Variants in PARD3B observed in about 807,000 individuals in gnomAD.
PARD3B encodes partitioning defective 3 homolog B.
Under a neutral mutation model 130.2 loss-of-function variants are expected in PARD3B, and 103 were observed. The observed-to-expected ratio is 0.79, with a 90% CI of 0.67 to 0.93. The LOEUF is 0.93. Among genes scored for constraint, PARD3B ranks in the 40% least tolerant of loss-of-function variants. The pLI is 0.00. For missense variants in PARD3B, 1,609 were observed against 1,499.2 expected (o/e 1.07, Z -1.21); for synonymous variants, 583 against 553.2 (o/e 1.05, Z -0.76).
At chr2:205,510,822 G>A (rs1197596223) in intron 21 of PARD3B, among the ~76,000 whole-genome samples, 1 of 152,114 alleles carries the variant, frequency 6.6e-6, no homozygotes, top group East Asian at 1.9e-4. Flanking sequence ...TAATAAAAAT[G>A]GCATCATTTA....
intron 2 of PARD3B, among the ~76,000 whole-genome samples, chr2:204,957,616 C>T (rs1051509837): frequency 1.3e-5 from 2 of 152,008 alleles, no homozygotes; most frequent in Admixed American, 6.6e-5. Flanking sequence ...TTTTAAAATC[C>T]GGATTAAATG....
At chr2:204,938,305 A>G (rs113011313) in intron 2 of PARD3B, among the ~76,000 whole-genome samples, 5 of 152,326 alleles carry the variant, frequency 3.3e-5, no homozygotes, top group African/African-American at 9.6e-5. Flanking sequence ...TACGCACTGT[A>G]TTACAGCCAC....
chr2:205,104,599 A>G (rs917582090), intron 5 of PARD3B, 85 bp downstream of exon 5: 11 of 952,824 alleles, frequency 1.2e-5, no homozygotes, highest in African/African-American at 4.9e-5. Context: ...TTACTTTACA[A>G]GAAAGATCAG....
At position 204,686,259 on chromosome 2, in the gene PARD3B, G is replaced by A. The variant is rs760757808; in HGVS notation, c.199G>A (p.Asp67Asn). 14 of 1,611,102 alleles carry A rather than the reference G, an allele frequency of 8.7e-6. No homozygotes were observed. The Admixed American group carries it at 2.3e-4, about 27-fold the overall frequency. ...GILDPDDVLA[D>N]VVEDKDKLIA... Reference sequence around the variant, plus strand: ...CCTGGATCCAGATGATGTCTTGGCAGATGTTGTTGAAGATAAAGACAAGGT... The same window carrying A: ...CCTGGATCCAGATGATGTCTTGGCAAATGTTGTTGAAGATAAAGACAAGGT... Residue 67 changes from aspartate (D) to asparagine (N), a missense_variant, in exon 2 of 23, where the codon GAT becomes AAT. Transcript: ENST00000406610.
At chr2:204,853,298 C>T (rs1362328391) in intron 2 of PARD3B, among the ~76,000 whole-genome samples, 5 of 152,028 alleles carry the variant, frequency 3.3e-5, no homozygotes, top group African/African-American at 9.7e-5. Flanking sequence ...AAATAGAGGA[C>T]ATCTCACTCA....
In PARD3B at chr2:205,193,267, C is replaced by T. The variant is rs112260624; in HGVS notation, c.2087C>T (p.Pro696Leu). ...CACATCAACTTCAGATCTGTGACAC[C>T]GGCCAGGCAGCCTGAATCAATTAAT... ...DQHINFRSVT[P>L]ARQPESINLK... The change falls in exon 15 of 23, where the codon CCG (proline) becomes CTG (leucine). Residue 696 changes from proline (P) to leucine (L), a missense_variant. Transcript: ENST00000406610. The T allele has an allele frequency of 1.5e-5, 25 of 1,613,714 alleles. No homozygotes were observed. The highest frequency in any genetic ancestry group is 3.3e-4 in the Middle Eastern group (2 of 6,058).
Position 205,405,186 on chromosome 2 carries a change from A to G in PARD3B, c.2741+4063A>G, listed in dbSNP as rs2046377957. Among the ~76,000 whole-genome samples the G allele has an allele frequency of 6.6e-6, 1 of 152,206 alleles. No individual in the cohort carries two copies. Among genetic ancestry groups the G allele is most frequent in the African/African-American group, 2.4e-5 (1 of 41,440 alleles). On this transcript the variant is annotated intron_variant, in intron 19 of 22. Transcript: ENST00000406610. This position sits in a 1 kb window ranked among gnomAD's most constrained non-coding sequence, Gnocchi z 4.1. ...ATTAGAGGAATGCAGAGTCTAGAAC[A>G]GTGGTTCTCAATGGGAGGGGGCAGT... is the stretch of plus-strand genomic sequence containing the variant.
intron 2 of PARD3B, among the ~76,000 whole-genome samples, chr2:204,886,658 G>A (rs2878560): frequency 0.082 from 12,506 of 152,120 alleles, 1,245 homozygotes; most frequent in African/African-American, 0.23. Flanking sequence ...ATTTGAGATC[G>A]ATGTCTGTGC....
At chr2:204,706,644 G>T (rs1327640637) in intron 2 of PARD3B, among the ~76,000 whole-genome samples, 1 of 152,128 alleles carries the variant, frequency 6.6e-6, no homozygotes. Flanking sequence ...CTAGGGTGAT[G>T]ATCTCGGTCA....
chr2:204,877,831 C>T (rs2045900480), intron 2 of PARD3B, among the ~76,000 whole-genome samples: 1 of 152,110 alleles, frequency 6.6e-6, no homozygotes, highest in Non-Finnish European at 1.5e-5. Flanking sequence ...TTTGGCAATA[C>T]CAGTTAGGAG....
intron 20 of PARD3B, among the ~76,000 whole-genome samples, chr2:205,474,857 G>A (rs890530182): frequency 5.9e-5 from 9 of 151,980 alleles, no homozygotes; most frequent in Admixed American, 4.6e-4. Flanking sequence ...AAATAGTACT[G>A]TATCATTTTA....
chr2:205,190,573 T>C (rs2036340739), intron 14 of PARD3B, among the ~76,000 whole-genome samples: 1 of 152,212 alleles, frequency 6.6e-6, no homozygotes, highest in African/African-American at 2.4e-5. Context: ...GGCCACCATT[T>C]CAGCCAGATC....
intron 3 of PARD3B, among the ~76,000 whole-genome samples, chr2:204,985,250 T>G (rs1291343340): frequency 6.6e-6 from 1 of 152,112 alleles, no homozygotes; most frequent in African/African-American, 2.4e-5. Context: ...CCTTGAACAA[T>G]TAAAGGAATG....
chr2:204,951,102 T>C (rs1004860890), intron 2 of PARD3B, among the ~76,000 whole-genome samples: 5 of 152,170 alleles, frequency 3.3e-5, no homozygotes, highest in Non-Finnish European at 5.9e-5. Flanking sequence ...GTCATATAAT[T>C]CAAGCAGGGC....
intron 22 of PARD3B, among the ~76,000 whole-genome samples, chr2:205,555,786 G>A (rs2052855620): frequency 6.6e-6 from 1 of 152,174 alleles, no homozygotes; most frequent in Non-Finnish European, 1.5e-5. Flanking sequence ...AATAAATAGG[G>A]CTCAGATAAA....
chr2:205,117,916 T>TACACACACACACACACACATACACACAC (rs1553617409), intron 6 of PARD3B, among the ~76,000 whole-genome samples: 3 of 20,376 alleles, frequency 1.5e-4, no homozygotes, highest in African/African-American at 2.3e-4. Context: ...TGTATGTGTG[T>TACACACACACACACACACATACACACAC]ACACACACAC....
intron 16 of PARD3B, among the ~76,000 whole-genome samples, chr2:205,251,119 T>C (rs1322132350): frequency 6.6e-6 from 1 of 152,132 alleles, no homozygotes; most frequent in Admixed American, 6.5e-5. Context: ...CTGATACATC[T>C]TTACTTGCGT....
In PARD3B at chr2:204,637,302, T is replaced by C. The variant is rs16836441; in HGVS notation, c.121-48879T>C. 9.6e-3 allele frequency among the ~76,000 whole-genome samples: 1,469 copies of C among 152,286 alleles called. 28 individuals are homozygous for C. Among genetic ancestry groups the C allele is most frequent in the African/African-American group, 0.034 (1,403 of 41,554 alleles). On this transcript the variant is annotated intron_variant, in intron 1 of 22. Coordinates refer to ENST00000406610, the MANE Select transcript of PARD3B (RefSeq NM_001302769.2). ...AATTAATACATGGTACAAATACTAA[T>C]AGTTTTCCAAGAAAGATACATTGGT...
At chr2:205,599,711 G>A (rs1338451514) in intron 22 of PARD3B, among the ~76,000 whole-genome samples, 2 of 152,186 alleles carry the variant, frequency 1.3e-5, no homozygotes, top group Non-Finnish European at 2.9e-5. Flanking sequence ...CTTCACTTCT[G>A]AAAGAGTTTC....
Sources: allele counts gnomAD v4.1 joint callset (sites outside exome capture counted in the v4.1 genomes callset), GRCh38; gene constraint gnomAD v4.1.1; non-coding constraint Gnocchi (gnomAD v3.1); transcripts MANE v1.5; gene names NCBI Gene and HGNC (gene_info 2026-07-23, HGNC 2026-07-21).